LRPAP1: variants seen among roughly 807,000 people sequenced by gnomAD.
The protein encoded by LRPAP1 is alpha-2-macroglobulin receptor-associated protein.
Under a neutral mutation model 39.9 loss-of-function variants are expected in LRPAP1, and 41 were observed. The ratio of observed to expected loss-of-function variants is 1.03; its 90% confidence interval spans 0.80 to 1.33. The LOEUF is 1.33. Ranked by LOEUF, LRPAP1 falls within the 40% of genes most tolerant of loss-of-function variation. The pLI, the probability that LRPAP1 is intolerant of heterozygous loss-of-function variation, is 0.00. For synonymous variants in LRPAP1, 263 were observed against 212.7 expected (o/e 1.24, Z -2.06); for missense variants, 565 against 482.3 (o/e 1.17, Z -1.61).
Position 3,511,506 on chromosome 4 carries a change from A to C in LRPAP1, c.*1468T>G, listed in dbSNP as rs1017411338. ...GAATCCACCCCCCGCCCCACCAGCC[A>C]CACACACACAAGTCCACAAAGGAAC... On this transcript the variant is annotated 3_prime_UTR_variant, in exon 8 of 8. Coordinates refer to ENST00000650182, the MANE Select transcript of LRPAP1 (RefSeq NM_002337.4). 6.6e-6 allele frequency: 1 copy of C among 152,082 alleles called. No individual in the cohort carries two copies. Among genetic ancestry groups the C allele is most frequent in the African/African-American group, 2.4e-5 (1 of 41,384 alleles). The allele number at this position is 152,082 out of a possible 1,614,324, so 9.4% of individuals were successfully genotyped here.
At chr4:3,521,969 T>C (rs913628477) in intron 2 of LRPAP1, among the ~76,000 whole-genome samples, 5 of 152,188 alleles carry the variant, frequency 3.3e-5, no homozygotes, top group African/African-American at 1.2e-4. Flanking sequence ...GACCCCATCT[T>C]TTAAAATAAA....
intron 2 of LRPAP1, 181 bp from the exon 3 acceptor site, chr4:3,520,374 G>A (rs1577207517): frequency 1.6e-6 from 1 of 635,864 alleles, no homozygotes; most frequent in East Asian, 2.8e-5. Context: ...AAACAAGCGT[G>A]GGGTCTGTGG....
chr4:3,503,872 G>A lies in LRPAP1; in HGVS notation c.*9102C>T, dbSNP rs1398737714. The A allele has an allele frequency of 1.3e-5, 2 of 152,320 alleles. No homozygotes were observed. The highest frequency in any genetic ancestry group is 2.9e-5 in the Non-Finnish European group (2 of 68,084). 9.4% of individuals were successfully genotyped at this position (152,320 alleles called of 1,614,324 possible). ...GAGCTGTGGGAATCTGACAAGCCAG[G>A]AAGGTAGAAACAAGGGAGAAGTGAG... On this transcript the variant is annotated 3_prime_UTR_variant, in exon 8 of 8. Coordinates refer to ENST00000650182, the MANE Select transcript of LRPAP1 (RefSeq NM_002337.4).
Position 3,513,005 on chromosome 4 carries a change from C to T in LRPAP1, c.1043G>A (p.Arg348Lys). 1.9e-6 allele frequency: 3 copies of T among 1,612,916 alleles called. No homozygotes were observed. The highest frequency in any genetic ancestry group is 2.5e-6 in the Non-Finnish European group (3 of 1,179,560). ...TTCGTTGTGCCGAGCTCTGGAGATC[C>T]TGCCGGACAGGTCCTGCAGATGCTT... ...VKKHLQDLSG[R>K]ISRARHNEL is the part of the protein sequence containing the mutation. Residue 348 changes from arginine to lysine, a missense_variant, in exon 8 of 8, where the codon AGG becomes AAG. By Grantham distance (26) the Arg-to-Lys change is conservative (BLOSUM62 2). Coordinates refer to ENST00000650182, the MANE Select transcript of LRPAP1 (RefSeq NM_002337.4).
intron 1 of LRPAP1, among the ~76,000 whole-genome samples, chr4:3,530,003 A>G (rs1360298160): frequency 1.3e-5 from 2 of 151,986 alleles, no homozygotes; most frequent in Non-Finnish European, 2.9e-5. Context: ...AGCAGCCCTC[A>G]CCTCAATTAT....
intron 1 of LRPAP1, among the ~76,000 whole-genome samples, chr4:3,529,693 CCGGGTCTCGCCTGATGAAAG>C (rs1302580056): frequency 1.3e-5 from 2 of 152,170 alleles, no homozygotes; most frequent in African/African-American, 4.8e-5. Context: ...ACCCCCCTGG[CCGGGTCTCGCCTGATGAAAG>C]CGGGTCTCAG....
rs200937223 is a variant in LRPAP1 at position 3,513,046 on chromosome 4, G to C, written c.1012-10C>G. 1.1e-3 allele frequency: 1,719 copies of C among 1,610,588 alleles called. 26 individuals carry two copies. In the South Asian group the frequency reaches 0.018, roughly 16 times the overall value. On this transcript the variant is annotated splice_polypyrimidine_tract_variant and intron_variant, in intron 7 of 7. Transcript: ENST00000650182. ...GCAGATGCTTCTTCACCTGTGGACAGAAACGTCTCATCAGCTGGGGACAGC... is the reference window on the plus strand; with the variant it reads ...GCAGATGCTTCTTCACCTGTGGACACAAACGTCTCATCAGCTGGGGACAGC...
chr4:3,517,133 C>A (rs1163644230), intron 5 of LRPAP1, among the ~76,000 whole-genome samples: 2 of 152,252 alleles, frequency 1.3e-5, no homozygotes, highest in Admixed American at 6.5e-5. Flanking sequence ...GTCACCAGCA[C>A]CAGGTCAGGC....
At chr4:3,513,614 G>A (rs1729602899) in intron 7 of LRPAP1, among the ~76,000 whole-genome samples, 1 of 152,156 alleles carries the variant, frequency 6.6e-6, no homozygotes, top group Non-Finnish European at 1.5e-5. Flanking sequence ...CAGCCCCACA[G>A]TGTTATTTTT....
intron 6 of LRPAP1, 44 bp from the exon 7 acceptor site, chr4:3,514,972 G>A (rs762931628): frequency 1.1e-5 from 18 of 1,595,656 alleles, no homozygotes; most frequent in Middle Eastern, 1.7e-4. Flanking sequence ...TCCCGTGCTC[G>A]CCACGCCATC....
rs1331019060 is a variant in LRPAP1 at position 3,518,128 on chromosome 4, G to A, written c.657C>T (p.Ser219=). Residue 219 remains serine, a synonymous_variant, in exon 5 of 8, where the codon AGC becomes AGT. Coordinates refer to ENST00000650182, the MANE Select transcript of LRPAP1 (RefSeq NM_002337.4). ...GCTTCTCCTTCAGCTCCGTGTGCCT[G>A]CTGTGCAGGACGCTGCCCTTGATGT... is the stretch of plus-strand genomic sequence containing the variant. ...LSDIKGSVLH[S]RHTELKEKLR... The A allele has an allele frequency of 6.2e-7, 1 of 1,613,688 alleles. No homozygotes were observed. The highest frequency in any genetic ancestry group is 8.5e-7 in the Non-Finnish European group (1 of 1,179,990).
intron 4 of LRPAP1, 39 bp downstream of exon 4, chr4:3,518,832 G>A (rs1729814243): frequency 2.2e-6 from 3 of 1,358,308 alleles, no homozygotes; most frequent in Non-Finnish European, 3.0e-6. Context: ...GCAGGAGGGG[G>A]TGGGGCAGAG....
chr4:3,518,426 C>T (rs1729797118), intron 4 of LRPAP1, among the ~76,000 whole-genome samples: 1 of 152,252 alleles, frequency 6.6e-6, no homozygotes, highest in South Asian at 2.1e-4. Flanking sequence ...CTGGCGGTGA[C>T]AGCTGGGGCA....
rs769054223 is a variant in LRPAP1 at position 3,525,063 on chromosome 4, G to A, written c.205-12C>T. On this transcript the variant is annotated splice_polypyrimidine_tract_variant and intron_variant, in intron 1 of 7. Coordinates refer to ENST00000650182, the MANE Select transcript of LRPAP1 (RefSeq NM_002337.4). ...GGAGGAAGATGCAGCTGCGAACGAAGGGGAGGAGCCTGTGAGCCACGAGCA... is the reference window on the plus strand; with the variant it reads ...GGAGGAAGATGCAGCTGCGAACGAAAGGGAGGAGCCTGTGAGCCACGAGCA... 1.2e-6 allele frequency: 2 copies of A among 1,613,712 alleles called. No individual in the cohort carries two copies. Among genetic ancestry groups the A allele is most frequent in the Admixed American group, 3.3e-5 (2 of 60,026 alleles).
chr4:3,504,900 T>C lies in LRPAP1; in HGVS notation c.*8074A>G, dbSNP rs1729306208. ...AGGCAGAGGTTGCAGTGAGCCGAGA[T>C]CGCACCAACGCACTCCAGCCTGGGC... On this transcript the variant is annotated 3_prime_UTR_variant, in exon 8 of 8. Coordinates refer to ENST00000650182, the MANE Select transcript of LRPAP1 (RefSeq NM_002337.4). 6.6e-6 allele frequency among the ~76,000 whole-genome samples: 1 copy of C among 151,528 alleles called. No individual in the cohort carries two copies. Among genetic ancestry groups the C allele is most frequent in the Non-Finnish European group, 1.5e-5 (1 of 67,918 alleles).
chr4:3,526,785 G>A (rs913403484), intron 1 of LRPAP1, among the ~76,000 whole-genome samples: 2 of 152,236 alleles, frequency 1.3e-5, no homozygotes, highest in Non-Finnish European at 2.9e-5. Flanking sequence ...GGGCCTGGGA[G>A]GAAGGAGACC....
intron 1 of LRPAP1, among the ~76,000 whole-genome samples, chr4:3,531,323 C>T (rs1172812816): frequency 6.6e-6 from 1 of 152,206 alleles, no homozygotes; most frequent in African/African-American, 2.4e-5. Context: ...AAAGTTCCTT[C>T]TTATTCTGCA....
chr4:3,525,063 G>C lies in LRPAP1; in HGVS notation c.205-12C>G, dbSNP rs769054223. On this transcript the variant is annotated splice_polypyrimidine_tract_variant and intron_variant, in intron 1 of 7. Coordinates refer to ENST00000650182, the MANE Select transcript of LRPAP1 (RefSeq NM_002337.4). ...GGAGGAAGATGCAGCTGCGAACGAAGGGGAGGAGCCTGTGAGCCACGAGCA... is the reference window on the plus strand; with the variant it reads ...GGAGGAAGATGCAGCTGCGAACGAACGGGAGGAGCCTGTGAGCCACGAGCA... The C allele has an allele frequency of 1.2e-6, 2 of 1,613,712 alleles. No individual in the cohort carries two copies. Among genetic ancestry groups the C allele is most frequent in the African/African-American group, 1.3e-5 (1 of 75,048 alleles).
rs1729394986 is a variant in LRPAP1, at chr4:3,507,718, TAAGAA to T, written c.*5251_*5255del. 6.7e-6 allele frequency: 1 copy of T among 149,032 alleles called. No homozygotes were observed. The highest frequency in any genetic ancestry group is 2.5e-5 in the African/African-American group (1 of 40,486). 9.2% of individuals were successfully genotyped at this position (149,032 alleles called of 1,614,324 possible). The stretch of plus-strand genomic sequence containing the variant: ...AAATAGGTAGAAGAAAGGAAATTCA[TAAGAA>T]AAGAGCAAAAGTCAATGAAAAAGAA... On this transcript the variant is annotated 3_prime_UTR_variant, in exon 8 of 8. Transcript: ENST00000650182.
Sources: gnomAD v4.1 joint callset for allele counts (sites outside exome capture counted in the v4.1 genomes callset) on GRCh38, gnomAD v4.1.1 for gene constraint, MANE v1.5 for transcripts, NCBI Gene and HGNC (gene_info 2026-07-23, HGNC 2026-07-21) for gene names.